IQSEC1: variants seen among roughly 807,000 people sequenced by gnomAD.
IQSEC1 encodes the protein IQ motif and Sec7 domain ArfGEF 1.
In IQSEC1, 31 loss-of-function variants were observed where a neutral mutation model predicts 91.0. The observed-to-expected ratio is 0.34, with a 90% CI of 0.26 to 0.46. The LOEUF (loss-of-function observed/expected upper bound fraction) is 0.46. IQSEC1 is among the 20% of genes least tolerant of loss of function. The pLI is 1.00. For synonymous variants in IQSEC1, 699 were observed against 662.6 expected (o/e 1.05, Z -0.84); for missense variants, 1,388 against 1,575.6 (o/e 0.88, Z 2.02).
chr3:12,963,775 T>C (rs1344002543), intron 1 of IQSEC1, among the ~76,000 whole-genome samples: 2 of 152,248 alleles, frequency 1.3e-5, no homozygotes, highest in Non-Finnish European at 2.9e-5. Context: ...CTTCTACATC[T>C]AGCCCAGGGC....
At position 13,049,086 on chromosome 3, in the gene IQSEC1, C is replaced by T. The variant is rs149786162; in HGVS notation, c.23+23906G>A. On this transcript the variant is annotated intron_variant, in intron 1 of 13. Transcript: ENST00000613206. The stretch of plus-strand genomic sequence containing the variant: ...CAGGTTTTATAGGAGGGAGAGCTAG[C>T]GGGGTGGCAAGCAGGCCTTCCCTGC... 2.7e-3 allele frequency among the ~76,000 whole-genome samples: 415 copies of T among 152,240 alleles called. 3 individuals are homozygous for T. Among genetic ancestry groups the T allele is most frequent in the Middle Eastern group, 0.01 (3 of 294 alleles).
intron 1 of IQSEC1, among the ~76,000 whole-genome samples, chr3:12,957,249 A>AT (rs1166774843): frequency 3.3e-5 from 5 of 152,198 alleles, no homozygotes; most frequent in African/African-American, 1.2e-4. Context: ...CCTCATCTGC[A>AT]TGGCCTCACC....
chr3:13,071,787 T>C (rs35938095), intron 1 of IQSEC1, among the ~76,000 whole-genome samples: 58,681 of 113,650 alleles, frequency 0.52, 14,974 homozygotes, highest in East Asian at 0.66. Flanking sequence ...CCACTGCCAT[T>C]CCCTGAACCA....
intron 2 of IQSEC1, among the ~76,000 whole-genome samples, chr3:13,113,119 G>A (rs1706277215): frequency 6.6e-6 from 1 of 152,322 alleles, no homozygotes; most frequent in East Asian, 1.9e-4. Flanking sequence ...CTGCCTTACA[G>A]TGAGGAGACA....
chr3:12,963,080 C>G (rs1281684549), intron 1 of IQSEC1, among the ~76,000 whole-genome samples: 1 of 152,228 alleles, frequency 6.6e-6, no homozygotes, highest in Non-Finnish European at 1.5e-5. Flanking sequence ...AACTCTAGCA[C>G]TCTAGCAACT....
rs377146902 is a variant in IQSEC1 at position 12,950,704 on chromosome 3, G to A, written c.24-8839C>T. Among the ~76,000 whole-genome samples the A allele has an allele frequency of 1.1e-4, 16 of 149,776 alleles. 1 individual carries two copies. The highest frequency in any genetic ancestry group is 5.3e-4 in the Admixed American group (8 of 15,042). ...GTTGCCCAGGCTGGAGTGCAGTGGCGTGATCTCGGCTCACCGCAAGCTTCA... is the reference window on the plus strand; with the variant it reads ...GTTGCCCAGGCTGGAGTGCAGTGGCATGATCTCGGCTCACCGCAAGCTTCA... On this transcript the variant is annotated intron_variant, in intron 1 of 13. Coordinates refer to ENST00000613206, the MANE Select transcript of IQSEC1 (RefSeq NM_001134382.3).
At chr3:13,274,970 G>T (rs1695650559) in intron 1 of IQSEC1, among the ~76,000 whole-genome samples, 1 of 152,226 alleles carries the variant, frequency 6.6e-6, no homozygotes, top group Non-Finnish European at 1.5e-5. Flanking sequence ...ACAATGCAAT[G>T]AACAGTTCTG....
chr3:12,900,821 A>G lies in IQSEC1; in HGVS notation c.*162T>C, dbSNP rs1277680419. 1 of 1,498,024 alleles carries G rather than the reference A, an allele frequency of 6.7e-7. No individual in the cohort carries two copies. The highest frequency in any genetic ancestry group is 2.5e-5 in the East Asian group (1 of 40,660). 92.8% of individuals were successfully genotyped at this position (1,498,024 alleles called of 1,614,324 possible). On this transcript the variant is annotated 3_prime_UTR_variant, in exon 14 of 14. Transcript: ENST00000613206. Reference sequence around the variant, plus strand: ...AATCTGGGCCTTTGTTCCACACAACACCAGCCCTGTGGGCTCCTGGGGCTC... The same window carrying G: ...AATCTGGGCCTTTGTTCCACACAACGCCAGCCCTGTGGGCTCCTGGGGCTC...
intron 2 of IQSEC1, among the ~76,000 whole-genome samples, chr3:13,137,575 C>A (rs1048140521): frequency 6.6e-6 from 1 of 152,198 alleles, no homozygotes; most frequent in African/African-American, 2.4e-5. Context: ...TAGAAGAAGT[C>A]GCAAACACAC....
At chr3:13,016,009 G>A (rs1378438511) in intron 1 of IQSEC1, among the ~76,000 whole-genome samples, 1 of 152,220 alleles carries the variant, frequency 6.6e-6, no homozygotes, top group Admixed American at 6.5e-5. Flanking sequence ...AGGGCCAGCT[G>A]GAGCCAGCAG....
chr3:12,964,571 T>A (rs1299856875), intron 1 of IQSEC1, among the ~76,000 whole-genome samples: 1 of 152,188 alleles, frequency 6.6e-6, no homozygotes, highest in Non-Finnish European at 1.5e-5. Context: ...GCAGTGGCCT[T>A]CAGACATCCA....
rs1693973953 is a variant in IQSEC1 at position 12,899,298 on chromosome 3, C to A, written c.*1685G>T. On this transcript the variant is annotated 3_prime_UTR_variant, in exon 14 of 14. Coordinates refer to ENST00000613206, the MANE Select transcript of IQSEC1 (RefSeq NM_001134382.3). ...CACGCTGTCCACTGGGAACGCGGCC[C>A]CGCGGCCCGCAGAGTCAGGCGTGAG... 3 of 1,433,294 alleles carry A rather than the reference C, an allele frequency of 2.1e-6. No homozygotes were observed. The highest frequency in any genetic ancestry group is 1.9e-6 in the Non-Finnish European group (2 of 1,038,474). 88.8% of individuals were successfully genotyped at this position (1,433,294 alleles called of 1,614,324 possible).
At chr3:13,117,489 T>C (rs979804193) in intron 2 of IQSEC1, among the ~76,000 whole-genome samples, 2 of 134,104 alleles carry the variant, frequency 1.5e-5, no homozygotes, top group African/African-American at 5.8e-5. Flanking sequence ...GGGAATCGCA[T>C]GAACCCGGGA....
At chr3:12,975,310 A>G (rs998880705) in intron 1 of IQSEC1, among the ~76,000 whole-genome samples, 2 of 152,176 alleles carry the variant, frequency 1.3e-5, no homozygotes, top group Admixed American at 6.5e-5. Context: ...CGGAGGCTCC[A>G]TGTTCTGGAG....
intron 2 of IQSEC1, among the ~76,000 whole-genome samples, chr3:13,136,548 G>A (rs1706713853): frequency 6.6e-6 from 1 of 152,148 alleles, no homozygotes; most frequent in Non-Finnish European, 1.5e-5. Context: ...CAAAGGAGGC[G>A]GATCCAGGAT....
At chr3:12,953,201 G>T (rs67927247) in intron 1 of IQSEC1, among the ~76,000 whole-genome samples, 1 of 152,166 alleles carries the variant, frequency 6.6e-6, no homozygotes, top group Non-Finnish European at 1.5e-5. Flanking sequence ...CACCCACAGC[G>T]CTGTCTCCAT....
At chr3:13,279,697 T>C (rs73016849) in intron 1 of IQSEC1, among the ~76,000 whole-genome samples, 1,642 of 152,162 alleles carry the variant, frequency 0.011, 17 homozygotes, top group Non-Finnish European at 0.017. Context: ...GGAGGCTGAG[T>C]AGGAGGTCCA....
intron 12 of IQSEC1, among the ~76,000 whole-genome samples, chr3:12,904,767 G>A (rs1158239971): frequency 3.9e-5 from 6 of 152,188 alleles, no homozygotes; most frequent in Non-Finnish European, 8.8e-5. Flanking sequence ...GAGGGGAGAT[G>A]GCCTCCCCGT....
At chr3:13,280,022 C>T (rs192999868) in intron 1 of IQSEC1, among the ~76,000 whole-genome samples, 84 of 152,346 alleles carry the variant, frequency 5.5e-4, no homozygotes, top group African/African-American at 1.9e-3. Context: ...GCATTAAGCA[C>T]TTACTGTATA....
Sources: allele counts gnomAD v4.1 joint callset (sites outside exome capture counted in the v4.1 genomes callset), GRCh38; gene constraint gnomAD v4.1.1; transcripts MANE v1.5; gene names NCBI Gene and HGNC (gene_info 2026-07-23, HGNC 2026-07-21).